The following SMOC2 variants were observed in gnomAD, a reference collection of about 807,000 sequenced individuals.
The protein encoded by SMOC2 is SPARC-related modular calcium-binding protein 2.
SMOC2 carries 39 observed loss-of-function variants against 61.4 expected under a neutral mutation model. That is an observed-to-expected ratio of 0.64 (90% confidence interval 0.49 to 0.83). SMOC2 has a LOEUF of 0.83. Ranked by LOEUF, SMOC2 falls within the 40% of genes least tolerant of loss-of-function variation. The pLI is 0.00. For synonymous variants in SMOC2, 247 were observed against 239.9 expected, an observed-to-expected ratio of 1.03 and a Z score of -0.27; for missense variants, 556 against 592.9, an observed-to-expected ratio of 0.94 and a Z score of 0.65.
At chr6:168,645,851 G>A (rs1787016662) in intron 9 of SMOC2, among the ~76,000 whole-genome samples, 1 of 152,176 alleles carries the variant, frequency 6.6e-6, no homozygotes, top group Admixed American at 6.5e-5. Context: ...TCCCTGGCTG[G>A]CGAATTGGAG....
intron 1 of SMOC2, among the ~76,000 whole-genome samples, chr6:168,456,675 C>T (rs754418305): frequency 7.2e-5 from 11 of 152,220 alleles, no homozygotes; most frequent in Admixed American, 2.6e-4. Context: ...CCAGGTCAGG[C>T]TGATCTCAGA....
At chr6:168,624,617 G>C (rs1394237584) in intron 9 of SMOC2, among the ~76,000 whole-genome samples, 1 of 100,448 alleles carries the variant, frequency 1.0e-5, no homozygotes, top group Non-Finnish European at 2.1e-5. Context: ...GACACACAGA[G>C]ACACAGACAC....
intron 4 of SMOC2, among the ~76,000 whole-genome samples, chr6:168,539,026 C>A (rs943143868): frequency 6.6e-6 from 1 of 152,048 alleles, no homozygotes. Context: ...GGGACTGAGT[C>A]GCTTCCTCCC....
chr6:168,575,446 GC>G (rs1784777624), intron 7 of SMOC2, among the ~76,000 whole-genome samples: 1 of 152,152 alleles, frequency 6.6e-6, no homozygotes, highest in Non-Finnish European at 1.5e-5. Flanking sequence ...TGGGTGGGGA[GC>G]CCCTGTGAGC....
chr6:168,555,739 G>A (rs561546207), intron 7 of SMOC2, among the ~76,000 whole-genome samples: 9 of 152,160 alleles, frequency 5.9e-5, no homozygotes, highest in Non-Finnish European at 1.3e-4. Flanking sequence ...AGCCTGCAGC[G>A]GGGAGTGGCC....
At chr6:168,532,439 T>G (rs10945511) in intron 4 of SMOC2, among the ~76,000 whole-genome samples, 136,731 of 150,702 alleles carry the variant, frequency 0.91, 62,432 homozygotes, top group East Asian at 0.98. Flanking sequence ...CCTCCCCCCC[T>G]CCCCCACAAA....
At chr6:168,573,489 G>A (rs559251283) in intron 7 of SMOC2, among the ~76,000 whole-genome samples, 1 of 152,266 alleles carries the variant, frequency 6.6e-6, no homozygotes, top group South Asian at 2.1e-4. Flanking sequence ...GCTCTGCTCG[G>A]GCTCCCAGGC....
Position 168,494,713 on chromosome 6 carries a change from C to T in SMOC2, c.85-15202C>T, listed in dbSNP as rs139517782. On this transcript the variant is annotated intron_variant, in intron 1 of 12. Transcript: ENST00000356284. ...CACCTCTCCTCATACTGGGGTTTTG[C>T]GATTCTTTCCCAAAGGGCTGGGAGT... 7.0e-4 allele frequency among the ~76,000 whole-genome samples: 106 copies of T among 152,296 alleles called. 1 individual carries two copies. The East Asian group carries it at 0.018, about 26-fold the overall frequency.
intron 9 of SMOC2, among the ~76,000 whole-genome samples, chr6:168,617,725 A>G (rs897716784): frequency 5.9e-5 from 9 of 152,150 alleles, no homozygotes; most frequent in African/African-American, 2.2e-4. Context: ...TCTGGCCTGT[A>G]TTGCTTCCCA....
intron 9 of SMOC2, among the ~76,000 whole-genome samples, chr6:168,621,023 A>G (rs1786230451): frequency 6.7e-6 from 1 of 149,890 alleles, no homozygotes; most frequent in East Asian, 1.9e-4. Flanking sequence ...ACCACAGGCT[A>G]TGGAAACCCC....
intron 4 of SMOC2, among the ~76,000 whole-genome samples, chr6:168,530,650 C>CT (rs1491210868): frequency 8.7e-6 from 1 of 114,636 alleles, no homozygotes; most frequent in African/African-American, 3.0e-5. Context: ...CCCCCCCCCC[C>CT]GCCCCCACAC....
intron 7 of SMOC2, among the ~76,000 whole-genome samples, chr6:168,591,589 A>T (rs1463736725): frequency 6.6e-6 from 1 of 150,454 alleles, no homozygotes; most frequent in Admixed American, 6.7e-5. Flanking sequence ...TGGGAGAATA[A>T]TAAATTATAC....
At chr6:168,645,127 C>T (rs1394294434) in intron 9 of SMOC2, among the ~76,000 whole-genome samples, 1 of 152,102 alleles carries the variant, frequency 6.6e-6, no homozygotes, top group African/African-American at 2.4e-5. Context: ...TGGATTTAAT[C>T]GCAAAGGAGA....
In SMOC2 at chr6:168,527,727, G is replaced by A; in HGVS notation, c.463G>A (p.Gly155Ser). Residue 155 changes from glycine to serine, a missense_variant and splice_region_variant, in exon 4 of 13, where the codon GGT (glycine) becomes AGT (serine). Coordinates refer to ENST00000356284, the MANE Select transcript of SMOC2 (RefSeq NM_001166412.2). ...GGCCCACAAGACGCCCCGGTGCCCGGGTAGGTCTGACGTGCCTTTCCAAGT... is the reference window on the plus strand; with the variant it reads ...GGCCCACAAGACGCCCCGGTGCCCGAGTAGGTCTGACGTGCCTTTCCAAGT... ...AVAHKTPRCP[G>S]SVNEKLPQRE... 6.5e-7 allele frequency: 1 copy of A among 1,549,696 alleles called. No homozygotes were observed. Among genetic ancestry groups the A allele is most frequent in the Non-Finnish European group, 8.7e-7 (1 of 1,145,672 alleles).
intron 1 of SMOC2, among the ~76,000 whole-genome samples, chr6:168,486,077 T>C (rs946167677): frequency 2.6e-5 from 4 of 152,220 alleles, no homozygotes; most frequent in African/African-American, 9.7e-5. Flanking sequence ...GTGTATGGTA[T>C]CATAATAATT....
At chr6:168,599,401 GACACAC>G (rs138442021) in intron 8 of SMOC2, among the ~76,000 whole-genome samples, 49 of 87,626 alleles carry the variant, frequency 5.6e-4, no homozygotes, top group Non-Finnish European at 5.3e-4. Flanking sequence ...CACACACACT[GACACAC>G]ACACATTCAT....
intron 9 of SMOC2, among the ~76,000 whole-genome samples, chr6:168,622,904 A>G (rs74366787): frequency 0.011 from 1,668 of 152,276 alleles, 29 homozygotes; most frequent in African/African-American, 0.039. Context: ...AGGAGAGGAC[A>G]ATCTGTAGAA....
At chr6:168,480,902 G>A (rs1388152340) in intron 1 of SMOC2, among the ~76,000 whole-genome samples, 1 of 152,072 alleles carries the variant, frequency 6.6e-6, no homozygotes, top group Non-Finnish European at 1.5e-5. Context: ...AGAAAGCGGT[G>A]GGCAGATAAA....
intron 2 of SMOC2, among the ~76,000 whole-genome samples, chr6:168,511,396 G>A (rs191715817): frequency 1.2e-3 from 176 of 152,228 alleles, no homozygotes; most frequent in African/African-American, 4.0e-3. Context: ...TGCCAAGCAA[G>A]GGAAAAAAGC....
Sources: gnomAD v4.1 joint callset for allele counts (sites outside exome capture counted in the v4.1 genomes callset) on GRCh38, gnomAD v4.1.1 for gene constraint, MANE v1.5 for transcripts, NCBI Gene and HGNC (gene_info 2026-07-23, HGNC 2026-07-21) for gene names.